The following GALNT13 variants were observed in gnomAD, a reference collection of about 807,000 sequenced individuals.
GALNT13 encodes the protein UDP-GalNAc:polypeptide N-acetylgalactosaminyltransferase 13.
GALNT13 carries 28 observed loss-of-function variants against 64.2 expected under a neutral mutation model. The ratio of observed to expected loss-of-function variants is 0.44; its 90% CI spans 0.32 to 0.60. The LOEUF (loss-of-function observed/expected upper bound fraction) is 0.60. Among genes scored for constraint, GALNT13 ranks in the 20% least tolerant of loss-of-function variants. The pLI is 0.05. For missense variants in GALNT13, 577 were observed against 669.8 expected (o/e 0.86, Z 1.53); for synonymous variants, 214 against 224.6 (o/e 0.95, Z 0.42).
At chr2:153,786,249 T>C in the GALNT13 span, among the ~76,000 whole-genome samples, 1 of 152,044 alleles carries the variant, frequency 6.6e-6, no homozygotes, top group South Asian at 2.1e-4. Flanking sequence ...TACAGTGGTA[T>C]TTATTACCCT....
intron 11 of GALNT13, among the ~76,000 whole-genome samples, chr2:154,423,181 G>GAT (rs927450922): frequency 6.0e-5 from 9 of 151,026 alleles, no homozygotes; most frequent in African/African-American, 2.2e-4. Context: ...TCTGTCTTGT[G>GAT]ATAGTTTGCT....
At chr2:153,684,867 A>G in the GALNT13 span, among the ~76,000 whole-genome samples, 2 of 151,718 alleles carry the variant, frequency 1.3e-5, no homozygotes, top group Admixed American at 1.3e-4. Flanking sequence ...TTGTGTTCTC[A>G]TAATTTGGCT....
At chr2:154,145,169 T>A (rs1055253531) in intron 4 of GALNT13, among the ~76,000 whole-genome samples, 4 of 148,512 alleles carry the variant, frequency 2.7e-5, no homozygotes, top group African/African-American at 7.4e-5. Context: ...TTTATTTATA[T>A]GTATAAATAA....
chr2:153,661,124 C>A, the GALNT13 span, among the ~76,000 whole-genome samples: 17 of 152,226 alleles, frequency 1.1e-4, no homozygotes, highest in East Asian at 1.9e-3. Context: ...TCTAACCTGG[C>A]TTTGCCACTA....
chr2:153,671,605 T>C, the GALNT13 span, among the ~76,000 whole-genome samples: 3 of 152,144 alleles, frequency 2.0e-5, no homozygotes, highest in African/African-American at 7.2e-5. Flanking sequence ...ACATGCCAAA[T>C]TGTAAATACC....
chr2:153,847,790 C>A, the GALNT13 span, among the ~76,000 whole-genome samples: 12 of 152,226 alleles, frequency 7.9e-5, no homozygotes, highest in African/African-American at 1.9e-4. Context: ...CTCCTTAATT[C>A]AACAATGTAT....
chr2:153,173,769 T>C, the GALNT13 span, among the ~76,000 whole-genome samples: 1 of 152,138 alleles, frequency 6.6e-6, no homozygotes, highest in African/African-American at 2.4e-5. Flanking sequence ...ATCTAAACAC[T>C]ATCAAATCAA....
At chr2:154,324,934 A>G (rs1186341444) in intron 9 of GALNT13, among the ~76,000 whole-genome samples, 1 of 151,992 alleles carries the variant, frequency 6.6e-6, no homozygotes, top group Non-Finnish European at 1.5e-5. Context: ...AAGAGACGCA[A>G]CCTTATTTGT....
At chr2:153,660,609 C>T in the GALNT13 span, among the ~76,000 whole-genome samples, 5 of 150,048 alleles carry the variant, frequency 3.3e-5, no homozygotes, top group African/African-American at 1.2e-4. Context: ...AATATATACA[C>T]ATTATATATA....
the GALNT13 span, among the ~76,000 whole-genome samples, chr2:153,270,515 C>G: frequency 6.6e-6 from 1 of 152,204 alleles, no homozygotes; most frequent in African/African-American, 2.4e-5. Context: ...GTGTCTATCT[C>G]TTAGTCAAAG....
intron 3 of GALNT13, among the ~76,000 whole-genome samples, chr2:154,033,866 G>C (rs368282707): frequency 1.2e-4 from 19 of 152,302 alleles, no homozygotes; most frequent in African/African-American, 4.6e-4. Flanking sequence ...TTGAACCCGG[G>C]GGGTGGAGGT....
At chr2:153,094,769 C>CA in the GALNT13 span, among the ~76,000 whole-genome samples, 1 of 152,048 alleles carries the variant, frequency 6.6e-6, no homozygotes, top group Non-Finnish European at 1.5e-5. Context: ...ACAATCCTGA[C>CA]AAAAACAAGA....
intron 4 of GALNT13, among the ~76,000 whole-genome samples, chr2:154,238,459 T>A (rs1345542582): frequency 6.6e-6 from 1 of 152,030 alleles, no homozygotes; most frequent in African/African-American, 2.4e-5. Context: ...TTGACCACAT[T>A]TTTTTCTTTC....
the GALNT13 span, among the ~76,000 whole-genome samples, chr2:153,101,684 C>T: frequency 6.0e-3 from 917 of 152,248 alleles, 10 homozygotes; most frequent in African/African-American, 0.021. Context: ...CCTGGCTATC[C>T]GTCTTTTTGT....
chr2:153,741,243 C>A, the GALNT13 span, among the ~76,000 whole-genome samples: 2 of 151,648 alleles, frequency 1.3e-5, no homozygotes, highest in African/African-American at 4.8e-5. Context: ...TCTGTATTTT[C>A]TATCCAATGT....
chr2:153,261,587 C>G, the GALNT13 span, among the ~76,000 whole-genome samples: 1 of 152,138 alleles, frequency 6.6e-6, no homozygotes, highest in Non-Finnish European at 1.5e-5. Context: ...GTGACATAAG[C>G]AAACCTGTGG....
At chr2:154,396,670 G>A (rs997667624) in intron 10 of GALNT13, among the ~76,000 whole-genome samples, 17 of 151,778 alleles carry the variant, frequency 1.1e-4, no homozygotes, top group African/African-American at 2.4e-4. Flanking sequence ...TATGTGCTTC[G>A]GTATTCCATC....
At chr2:153,537,898 A>C in the GALNT13 span, among the ~76,000 whole-genome samples, 1 of 152,198 alleles carries the variant, frequency 6.6e-6, no homozygotes, top group Non-Finnish European at 1.5e-5. Context: ...AAAATTACCC[A>C]GTCTCAGGCA....
At chr2:153,660,782 G>A in the GALNT13 span, among the ~76,000 whole-genome samples, 1 of 151,916 alleles carries the variant, frequency 6.6e-6, no homozygotes, top group African/African-American at 2.4e-5. Flanking sequence ...CCTTATAGCA[G>A]AGAGAAAAGA....
Sources: gnomAD v4.1 joint callset for allele counts (sites outside exome capture counted in the v4.1 genomes callset) on GRCh38, gnomAD v4.1.1 for gene constraint, MANE v1.5 for transcripts, NCBI Gene and HGNC (gene_info 2026-07-23, HGNC 2026-07-21) for gene names.